The following CLEC20A variants were observed in gnomAD, a reference collection of about 807,000 sequenced individuals.
CLEC20A encodes putative C-type lectin domain family 20 member A.
intron 1 of CLEC20A, among the ~76,000 whole-genome samples, chr1:178,495,128 C>A (rs1044699322): frequency 2.0e-5 from 3 of 152,216 alleles, no homozygotes; most frequent in African/African-American, 7.2e-5. Flanking sequence ...AGGTGAGGTG[C>A]CTTTCCTACA....
At chr1:178,485,065 C>G (rs1002470051) in intron 5 of CLEC20A, among the ~76,000 whole-genome samples, 1 of 152,158 alleles carries the variant, frequency 6.6e-6, no homozygotes, top group African/African-American at 2.4e-5. Flanking sequence ...TATTTTCATC[C>G]CCTGAATATA....
intron 4 of CLEC20A, among the ~76,000 whole-genome samples, 190 bp downstream of exon 4, chr1:178,489,882 T>G (rs905098199): frequency 6.6e-6 from 1 of 152,198 alleles, no homozygotes; most frequent in African/African-American, 2.4e-5. Context: ...AGAATTAAAA[T>G]AATACAACTT....
chr1:178,479,410 G>A, exon 8 of CLEC20A: 1 of 391,790 alleles, frequency 2.6e-6, no homozygotes, highest in Non-Finnish European at 4.5e-6. Flanking sequence ...TTAGTTGTAG[G>A]TCTGTGCTTT....
chr1:178,486,496 G>A, intron 5 of CLEC20A: 1 of 398,832 alleles, frequency 2.5e-6, no homozygotes, highest in Non-Finnish European at 4.4e-6. Flanking sequence ...CAGGGCTGCA[G>A]AGTCAGGGGG....
upstream of CLEC20A, chr1:178,499,442 G>A (rs1649479116): frequency 6.6e-6 from 1 of 152,150 alleles, no homozygotes; most frequent in South Asian, 2.1e-4. Context: ...CCCTCAATCT[G>A]GGTAGGCAGA....
At chr1:178,483,561 T>C (rs996431377) in intron 5 of CLEC20A, 3 of 279,252 alleles carry the variant, frequency 1.1e-5, no homozygotes, top group Admixed American at 1.1e-4. Context: ...TAGGAGGTTT[T>C]TCCTCATCAA....
chr1:178,484,863 T>C (rs1290428846), intron 5 of CLEC20A, among the ~76,000 whole-genome samples: 1 of 152,204 alleles, frequency 6.6e-6, no homozygotes, highest in African/African-American at 2.4e-5. Context: ...ACTCCAGTGC[T>C]CCAGAACAGG....
intron 1 of CLEC20A, among the ~76,000 whole-genome samples, chr1:178,495,615 C>T (rs1441631562): frequency 6.6e-6 from 1 of 151,812 alleles, no homozygotes; most frequent in Non-Finnish European, 1.5e-5. Flanking sequence ...ATTCCCAGGG[C>T]CCAGCATGAT....
At chr1:178,490,508 T>C (rs1649246656) in intron 3 of CLEC20A, 71 bp from the exon 4 acceptor site, 1 of 398,066 alleles carries the variant, frequency 2.5e-6, no homozygotes, top group Non-Finnish European at 4.4e-6. Context: ...TTCATCACCC[T>C]TGGGGATAGA....
At chr1:178,489,060 C>A (rs1030174021) in intron 4 of CLEC20A, among the ~76,000 whole-genome samples, 2 of 152,068 alleles carry the variant, frequency 1.3e-5, no homozygotes, top group African/African-American at 4.8e-5. Context: ...CTGCGTTGTA[C>A]CCTTTAAAAA....
At chr1:178,488,335 A>C (rs1395311671) in intron 5 of CLEC20A, among the ~76,000 whole-genome samples, 166 bp downstream of exon 5, 2 of 152,170 alleles carry the variant, frequency 1.3e-5, no homozygotes, top group Admixed American at 1.3e-4. Flanking sequence ...GAGCGGAGGG[A>C]AACTCCCCTC....
exon 5 of CLEC20A, chr1:178,488,506 C>T (rs760299801): frequency 7.5e-6 from 3 of 398,812 alleles, no homozygotes; most frequent in Non-Finnish European, 1.3e-5. Flanking sequence ...AGCACCTCTG[C>T]CTGGCCTGGG....
chr1:178,486,102 ACT>A (rs1649134377), intron 5 of CLEC20A, among the ~76,000 whole-genome samples: 1 of 151,994 alleles, frequency 6.6e-6, no homozygotes, highest in African/African-American at 2.4e-5. Context: ...TGACTGTCAG[ACT>A]CTTGCTTTTA....
rs1649288325 is a variant in CLEC20A at position 178,492,492 on chromosome 1, G to A, written c.463+9C>T. On this transcript the variant is annotated intron_variant, in intron 3 of 7. Transcript: ENST00000623247. ...TTCCCAGAAAAGGGAATGGGGAGCA[G>A]GTATGTACCTGGCTTTGGAGAGGTG... 1 of 398,434 alleles carries A rather than the reference G, an allele frequency of 2.5e-6. No individual in the cohort carries two copies. Among genetic ancestry groups the A allele is most frequent in the African/African-American group, 2.1e-5 (1 of 48,596 alleles). The allele number at this position is 398,434 out of a possible 1,614,324, so 24.7% of individuals were successfully genotyped here.
chr1:178,493,248 C>T (rs1649306588), intron 2 of CLEC20A, among the ~76,000 whole-genome samples: 2 of 152,180 alleles, frequency 1.3e-5, no homozygotes. Flanking sequence ...GTCCCAGGCA[C>T]ACTCACCACC....
At chr1:178,497,160 C>A, upstream of CLEC20A, 1 of 393,490 alleles carries the variant, frequency 2.5e-6, no homozygotes, top group Non-Finnish European at 4.5e-6. Context: ...GGAGATGCGG[C>A]CTGGAGGATG....
At chr1:178,489,569 A>G (rs969059958) in intron 4 of CLEC20A, among the ~76,000 whole-genome samples, 1 of 152,066 alleles carries the variant, frequency 6.6e-6, no homozygotes, top group Admixed American at 6.6e-5. Context: ...CAGGGACAGA[A>G]CAAGGACAAT....
At chr1:178,485,459 T>C (rs1405781139) in intron 5 of CLEC20A, among the ~76,000 whole-genome samples, 1 of 152,248 alleles carries the variant, frequency 6.6e-6, no homozygotes, top group East Asian at 1.9e-4. Context: ...TTACCCATGC[T>C]ATTCCTTCTG....
chr1:178,499,557 TC>T (rs1326309304), upstream of CLEC20A: 1 of 152,218 alleles, frequency 6.6e-6, no homozygotes, highest in African/African-American at 2.4e-5. Context: ...GCTCGATGCT[TC>T]CTGCCCTTGA....
Sources: gnomAD v4.1 joint callset for allele counts (sites outside exome capture counted in the v4.1 genomes callset) on GRCh38, gnomAD v4.1.1 for gene constraint, MANE v1.5 for transcripts, NCBI Gene and HGNC (gene_info 2026-07-23, HGNC 2026-07-21) for gene names.